The following DPYSL5 variants were observed in gnomAD, a reference collection of about 807,000 sequenced individuals.
DPYSL5 encodes the protein dihydropyrimidinase-related protein 5.
Under a neutral mutation model 58.4 loss-of-function variants are expected in DPYSL5, and 9 were observed. The ratio of observed to expected loss-of-function variants is 0.15; its 90% confidence interval spans 0.09 to 0.27. DPYSL5 has a LOEUF of 0.27. Ranked by LOEUF, DPYSL5 falls within the 10% of genes least tolerant of loss-of-function variation. The probability of loss-of-function intolerance (pLI) is 1.00; values close to 1 mark genes in which losing one functional copy is unlikely to be tolerated. For missense variants in DPYSL5, 499 were observed against 770.6 expected (o/e 0.65, Z 4.17); for synonymous variants, 293 against 301.9 (o/e 0.97, Z 0.31).
rs1209140758 is a variant in DPYSL5, at chr2:26,931,152, A to AAAAAAT, written c.670-487_670-486insAAAATA. Among the ~76,000 whole-genome samples, 142 of 48,798 alleles carry AAAAAAT rather than the reference A, an allele frequency of 2.9e-3. 1 individual carries two copies. The highest frequency in any genetic ancestry group is 9.2e-3 in the African/African-American group (140 of 15,242). The allele number at this position is 48,798 out of a possible 152,430, so 32.0% of individuals were successfully genotyped here. On this transcript the variant is annotated intron_variant, in intron 5 of 12. Transcript: ENST00000288699. The stretch of plus-strand genomic sequence containing the variant: ...AGACCCTATCTAAAAAAAAAAAAAA[A>AAAAAAT]ATATATATATATATATATGTGTGTG...
At chr2:26,940,947 TTTTGTG>T (rs1209995419) in intron 9 of DPYSL5, among the ~76,000 whole-genome samples, 3 of 141,010 alleles carry the variant, frequency 2.1e-5, no homozygotes, top group African/African-American at 7.7e-5. Flanking sequence ...ATTTATTTTT[TTTTGTG>T]TGTGATAGAA....
chr2:26,872,446 C>T (rs1040366626), intron 1 of DPYSL5, among the ~76,000 whole-genome samples: 3 of 152,200 alleles, frequency 2.0e-5, no homozygotes, highest in Non-Finnish European at 2.9e-5. Context: ...AATCCCAGCA[C>T]TTTGAGAGGC....
At chr2:26,914,821 GA>G (rs2148149768) in intron 2 of DPYSL5, among the ~76,000 whole-genome samples, 1 of 152,218 alleles carries the variant, frequency 6.6e-6, no homozygotes, top group African/African-American at 2.4e-5. Context: ...AGGAACTCAG[GA>G]CTCCCAGGGA....
intron 1 of DPYSL5, among the ~76,000 whole-genome samples, chr2:26,869,012 C>T (rs1386522371): frequency 6.6e-5 from 10 of 152,182 alleles, no homozygotes; most frequent in South Asian, 4.1e-4. Flanking sequence ...TTGCCCAGGC[C>T]GAAGTGTAGT....
At chr2:26,857,817 A>G (rs1245405414) in intron 1 of DPYSL5, among the ~76,000 whole-genome samples, 1 of 152,228 alleles carries the variant, frequency 6.6e-6, no homozygotes, top group African/African-American at 2.4e-5. Context: ...AACCTCTGCA[A>G]CTAATGAAAA....
chr2:26,900,761 T>C (rs1395527119), intron 2 of DPYSL5, among the ~76,000 whole-genome samples: 3 of 152,178 alleles, frequency 2.0e-5, no homozygotes, highest in African/African-American at 7.2e-5. Context: ...CTGGGGTCCA[T>C]TCTGTAGCAT....
chr2:26,926,855 A>G (rs1321864834), intron 3 of DPYSL5, among the ~76,000 whole-genome samples: 1 of 152,110 alleles, frequency 6.6e-6, no homozygotes, highest in Admixed American at 6.5e-5. Context: ...TTTTCCCAGG[A>G]CCTCTGGATT....
chr2:26,931,865 G>T (rs1433341515), intron 6 of DPYSL5, among the ~76,000 whole-genome samples, 181 bp downstream of exon 6: 3 of 151,408 alleles, frequency 2.0e-5, no homozygotes, highest in Non-Finnish European at 4.4e-5. Context: ...AAAATTAGCT[G>T]GGCGTGGTGG....
Position 26,856,286 on chromosome 2 carries a change from A to G in DPYSL5, c.-5+8032A>G, listed in dbSNP as rs76291921. Among the ~76,000 whole-genome samples the G allele has an allele frequency of 2.8e-3, 428 of 152,294 alleles. 15 individuals carry two copies. The East Asian group carries it at 0.065, about 23-fold the overall frequency. On this transcript the variant is annotated intron_variant, in intron 1 of 12. Transcript: ENST00000288699. ...AAAAGAAAGAAACAGAATTATCAGT[A>G]CTCAAGGAGAGTCTCTAGTTACTTA...
chr2:26,871,593 C>T (rs1026203125), intron 1 of DPYSL5, among the ~76,000 whole-genome samples: 3 of 151,954 alleles, frequency 2.0e-5, no homozygotes, highest in Non-Finnish European at 2.9e-5. Context: ...AGTTGCGCAC[C>T]ACCACACCCA....
At position 26,898,742 on chromosome 2, in the gene DPYSL5, C is replaced by T. The variant is rs1664079665; in HGVS notation, c.243C>T (p.Asp81=). The change falls in exon 2 of 13, where the codon GAC becomes GAT. Residue 81 remains aspartate, a synonymous_variant. Transcript: ENST00000288699. This position sits in a 1 kb window ranked among gnomAD's most constrained non-coding sequence, Gnocchi z 6.1. Reference sequence around the variant, plus strand: ...TCATGAATGCCACGTGCGTGGACGACTTCTACCATGGGACCAAGGTAATGC... The same window carrying T: ...TCATGAATGCCACGTGCGTGGACGATTTCTACCATGGGACCAAGGTAATGC... ...QTFMNATCVD[D]FYHGTKAALV... The T allele has an allele frequency of 1.2e-6, 2 of 1,610,932 alleles. No individual in the cohort carries two copies. Among genetic ancestry groups the T allele is most frequent in the Non-Finnish European group, 1.7e-6 (2 of 1,177,614 alleles).
intron 6 of DPYSL5, among the ~76,000 whole-genome samples, chr2:26,932,189 A>AAGAAAGAAAGAAAGAC (rs1558351592): frequency 8.6e-4 from 62 of 72,056 alleles, no homozygotes; most frequent in African/African-American, 2.7e-3. Context: ...GAAAGAAAGA[A>AAGAAAGAAAGAAAGAC]AGAAAGAAAG....
chr2:26,946,812 C>CT, intron 12 of DPYSL5, 98 bp from the exon 13 acceptor site: 2 of 863,644 alleles, frequency 2.3e-6, no homozygotes, highest in Admixed American at 4.3e-5. Flanking sequence ...TGAGGATTCA[C>CT]TCAGGCCATG....
chr2:26,916,879 C>A (rs10175737), intron 2 of DPYSL5, among the ~76,000 whole-genome samples: 59,974 of 152,118 alleles, frequency 0.39, 12,240 homozygotes, highest in Admixed American at 0.54. Context: ...CCTTAAGATG[C>A]TTACATTTCT....
chr2:26,913,472 A>G (rs1278705010), intron 2 of DPYSL5, among the ~76,000 whole-genome samples: 2 of 152,186 alleles, frequency 1.3e-5, no homozygotes, highest in African/African-American at 4.8e-5. Flanking sequence ...ATAATACTCC[A>G]TTGTATGTAG....
chr2:26,932,638 C>T (rs897500169), intron 6 of DPYSL5, among the ~76,000 whole-genome samples: 2 of 152,188 alleles, frequency 1.3e-5, no homozygotes, highest in African/African-American at 4.8e-5. Context: ...AAAGTCAGTT[C>T]CTTGCCTTTT....
intron 1 of DPYSL5, among the ~76,000 whole-genome samples, chr2:26,869,780 G>C (rs868774974): frequency 6.6e-6 from 1 of 152,150 alleles, no homozygotes; most frequent in South Asian, 2.1e-4. Flanking sequence ...GGGAGGCTGA[G>C]GTGGGCGGAT....
intron 1 of DPYSL5, among the ~76,000 whole-genome samples, chr2:26,894,514 C>T (rs2148134141): frequency 6.6e-6 from 1 of 152,302 alleles, no homozygotes; most frequent in East Asian, 1.9e-4. Context: ...TCTAATCAAG[C>T]AAGCCATGTA....
At chr2:26,864,352 AG>A (rs1666091490) in intron 1 of DPYSL5, among the ~76,000 whole-genome samples, 1 of 152,256 alleles carries the variant, frequency 6.6e-6, no homozygotes, top group South Asian at 2.1e-4. Context: ...CCAGTCTGAA[AG>A]GGGCTATGCC....
Sources: allele counts gnomAD v4.1 joint callset (sites outside exome capture counted in the v4.1 genomes callset), GRCh38; gene constraint gnomAD v4.1.1; non-coding constraint Gnocchi (gnomAD v3.1); transcripts MANE v1.5; gene names NCBI Gene and HGNC (gene_info 2026-07-23, HGNC 2026-07-21).